DGKG: variants seen among roughly 807,000 people sequenced by gnomAD.
DGKG encodes the protein diacylglycerol kinase gamma.
DGKG carries 78 observed loss-of-function variants against 105.3 expected under a neutral mutation model. That is an observed-to-expected ratio of 0.74 (90% CI 0.62 to 0.89). The LOEUF is 0.89. Ranked by LOEUF, DGKG falls within the 40% of genes least tolerant of loss-of-function variation. DGKG has a pLI of 0.00. For synonymous variants in DGKG, 346 were observed against 367.1 expected (o/e 0.94, Z 0.66); for missense variants, 958 against 1,020.1 (o/e 0.94, Z 0.83).
chr3:186,192,029 C>T (rs982477171), intron 21 of DGKG, among the ~76,000 whole-genome samples: 2 of 151,628 alleles, frequency 1.3e-5, no homozygotes, highest in Admixed American at 6.6e-5. Flanking sequence ...TTTTTTGAGA[C>T]AGAGTTTCGC....
At chr3:186,349,686 T>C (rs1431175865) in intron 1 of DGKG, among the ~76,000 whole-genome samples, 1 of 152,328 alleles carries the variant, frequency 6.6e-6, no homozygotes, top group Non-Finnish European at 1.5e-5. Context: ...TGAGGGGCCA[T>C]TGGATACGTT....
intron 24 of DGKG, chr3:186,160,820 C>T (rs1484930331): frequency 1.0e-6 from 1 of 985,326 alleles, no homozygotes; most frequent in Admixed American, 6.1e-5. Context: ...GCATTTCTAA[C>T]TGAGGACAAA....
At chr3:186,183,797 C>T (rs1161930703) in intron 22 of DGKG, among the ~76,000 whole-genome samples, 2 of 151,874 alleles carry the variant, frequency 1.3e-5, no homozygotes, top group East Asian at 1.9e-4. Context: ...CTCCGCCTTC[C>T]AGGTTCAAGC....
intron 5 of DGKG, among the ~76,000 whole-genome samples, chr3:186,297,127 CTT>C (rs10574880): frequency 0.6 from 89,736 of 149,752 alleles, 27,500 homozygotes; most frequent in Middle Eastern, 0.67. Context: ...AGGCTCTCCA[CTT>C]TTTCTGGGCA....
intron 24 of DGKG, chr3:186,158,404 C>G (rs1716135347): frequency 1.0e-6 from 1 of 983,382 alleles, no homozygotes; most frequent in African/African-American, 1.7e-5. Context: ...TGGCTTTGAT[C>G]TCCTCATAAA....
intron 20 of DGKG, among the ~76,000 whole-genome samples, chr3:186,216,099 AGCGATTCTCAT>A (rs1175254884): frequency 1.3e-5 from 2 of 151,844 alleles, no homozygotes; most frequent in Non-Finnish European, 1.5e-5. Flanking sequence ...CCCCGGTTCA[AGCGATTCTCAT>A]GCCTCAGCCT....
At chr3:186,280,058 G>A (rs1389403158) in intron 8 of DGKG, 85 bp from the exon 9 acceptor site, 30 of 1,541,966 alleles carry the variant, frequency 1.9e-5, no homozygotes, top group Non-Finnish European at 2.7e-5. Context: ...TGTTCATCTT[G>A]CATTATCTGG....
chr3:186,279,443 C>T (rs1364219199), intron 9 of DGKG: 1 of 155,630 alleles, frequency 6.4e-6, no homozygotes, highest in Non-Finnish European at 1.4e-5. Flanking sequence ...CACAACAGAT[C>T]CGTATTTTTT....
intron 19 of DGKG, 115 bp from the exon 20 acceptor site, chr3:186,242,683 A>G (rs1578714435): frequency 1.2e-6 from 1 of 823,946 alleles, no homozygotes; most frequent in Non-Finnish European, 1.9e-6. Flanking sequence ...GACTCTATCT[A>G]TCGCATGGTG....
In DGKG at chr3:186,362,052, AG is replaced by A. The variant is rs2108684720; in HGVS notation, c.-356del. On this transcript the variant is annotated 5_prime_UTR_variant, in exon 1 of 25. Coordinates refer to ENST00000265022, the MANE Select transcript of DGKG (RefSeq NM_001346.3). ...AACCGAGAGACAGAAGGGGGACCGA[AG>A]CTGGCCTCTGGGCGTCTTCCCGCCT... 1 of 152,302 alleles carries A rather than the reference AG, an allele frequency of 6.6e-6. No individual in the cohort carries two copies. The highest frequency in any genetic ancestry group is 2.1e-4 in the South Asian group (1 of 4,800). 9.4% of individuals were successfully genotyped at this position (152,302 alleles called of 1,614,324 possible).
intron 22 of DGKG, among the ~76,000 whole-genome samples, chr3:186,187,932 C>A (rs1056942052): frequency 1.3e-5 from 2 of 152,166 alleles, no homozygotes; most frequent in African/African-American, 4.8e-5. Context: ...ATTGGAGAAC[C>A]CTGGTAACCT....
chr3:186,211,757 C>T (rs201258836), intron 21 of DGKG, 38 bp downstream of exon 21: 1 of 1,492,330 alleles, frequency 6.7e-7, no homozygotes, highest in Non-Finnish European at 9.4e-7. Flanking sequence ...GGAGCAGAAC[C>T]AAGATCCAGG....
chr3:186,182,613 G>T (rs1354058410), intron 22 of DGKG, among the ~76,000 whole-genome samples: 1 of 152,176 alleles, frequency 6.6e-6, no homozygotes, highest in Non-Finnish European at 1.5e-5. Flanking sequence ...TTTGAAAATG[G>T]CCAGCACATC....
rs73180311 is a variant in DGKG, at chr3:186,213,103, A to T, written c.1827-1218T>A. On this transcript the variant is annotated intron_variant, in intron 20 of 24. Coordinates refer to ENST00000265022, the MANE Select transcript of DGKG (RefSeq NM_001346.3). ...CTTCCATTGTATGAAGACTTCTGAG[A>T]TCTAGTTGGTTGGGAAATAGCTTCT... Among the ~76,000 whole-genome samples the T allele has an allele frequency of 2.2e-3, 334 of 152,344 alleles. 1 individual carries two copies. The highest frequency in any genetic ancestry group is 4.0e-3 in the Non-Finnish European group (271 of 68,030).
intron 3 of DGKG, among the ~76,000 whole-genome samples, chr3:186,305,061 C>T (rs1375841060): frequency 6.6e-6 from 1 of 152,170 alleles, no homozygotes; most frequent in African/African-American, 2.4e-5. Flanking sequence ...TTATTGAATG[C>T]CTGCTATAAG....
intron 6 of DGKG, among the ~76,000 whole-genome samples, chr3:186,286,666 G>A (rs1174422050): frequency 6.6e-6 from 1 of 152,164 alleles, no homozygotes. Context: ...TTAAAGTTAA[G>A]GAAGGATATA....
rs573164352 is a variant in DGKG at position 186,157,403 on chromosome 3, ATATAGTC to A, written c.2277+4193_2277+4199del. 3.6e-3 allele frequency among the ~76,000 whole-genome samples: 542 copies of A among 152,242 alleles called. 5 individuals are homozygous for A. The highest frequency in any genetic ancestry group is 5.1e-3 in the African/African-American group (214 of 41,566). ...ACTAGAATTCTTATGTCATATTTAT[ATATAGTC>A]TATAGTCTATAGTCTTCTATTTTTA... On this transcript the variant is annotated intron_variant, in intron 24 of 24. Transcript: ENST00000265022.
In DGKG at chr3:186,300,589, CT is replaced by C. The variant is rs541780689; in HGVS notation, c.145-2361del. ...TCTTCATTAATTTATTTCTAAAGCTCTTTTTTGCATTGTCTCTTTGTACCAC... is the reference window on the plus strand; with the variant it reads ...TCTTCATTAATTTATTTCTAAAGCTCTTTTTGCATTGTCTCTTTGTACCAC... On this transcript the variant is annotated intron_variant, in intron 3 of 24. Coordinates refer to ENST00000265022, the MANE Select transcript of DGKG (RefSeq NM_001346.3). 1.3e-3 allele frequency among the ~76,000 whole-genome samples: 200 copies of C among 152,244 alleles called. 2 individuals carry two copies. The South Asian group carries it at 0.026, about 20-fold the overall frequency.
Position 186,260,439 on chromosome 3 carries a change from C to T in DGKG, c.1424G>A (p.Gly475Glu), listed in dbSNP as rs1171897182. ...GAGGTAAAGATTGTGATCTCCATACCCTGGAGTAGGCCCCCCATTGTCCAG... is the reference window on the plus strand; with the variant it reads ...GAGGTAAAGATTGTGATCTCCATACTCTGGAGTAGGCCCCCCATTGTCCAG... ...FNLDNGGPTPGLNFFRDTPDF... is the reference protein window; with the variant it reads ...FNLDNGGPTPELNFFRDTPDF... Residue 475 changes from glycine to glutamate, a missense_variant and splice_region_variant, in exon 16 of 25, where the codon GGG becomes GAG. Coordinates refer to ENST00000265022, the MANE Select transcript of DGKG (RefSeq NM_001346.3). 6.2e-7 allele frequency: 1 copy of T among 1,608,088 alleles called. No individual in the cohort carries two copies. The highest frequency in any genetic ancestry group is 1.7e-5 in the Admixed American group (1 of 60,006).
Sources: gnomAD v4.1 joint callset for allele counts (sites outside exome capture counted in the v4.1 genomes callset) on GRCh38, gnomAD v4.1.1 for gene constraint, MANE v1.5 for transcripts, NCBI Gene and HGNC (gene_info 2026-07-23, HGNC 2026-07-21) for gene names.